The following ZBTB7C variants were observed in gnomAD, a reference collection of about 807,000 sequenced individuals.
The protein encoded by ZBTB7C is zinc finger and BTB domain-containing protein 7C.
A neutral mutation model predicts 25.7 loss-of-function variants in ZBTB7C; 8 were observed. The ratio of observed to expected loss-of-function variants is 0.31; its 90% CI spans 0.18 to 0.56. ZBTB7C has a LOEUF of 0.56. Among genes scored for constraint, ZBTB7C ranks in the 20% least tolerant of loss-of-function variants. The pLI is 0.91. For missense variants in ZBTB7C, 824 were observed against 855.2 expected (o/e 0.96, Z 0.46); for synonymous variants, 394 against 369.0 (o/e 1.07, Z -0.78).
chr18:48,400,460 G>A (rs1433325619), intron 1 of ZBTB7C, among the ~76,000 whole-genome samples: 1 of 152,196 alleles, frequency 6.6e-6, no homozygotes, highest in African/African-American at 2.4e-5. Flanking sequence ...GCCTATCAGT[G>A]GGCCAGGACA....
intron 3 of ZBTB7C, among the ~76,000 whole-genome samples, chr18:48,170,066 G>C (rs1267531246): frequency 1.3e-5 from 2 of 152,118 alleles, no homozygotes; most frequent in Non-Finnish European, 2.9e-5. Flanking sequence ...AGCCACACTG[G>C]AACTGCACTC....
chr18:48,172,412 G>A (rs117735285), intron 3 of ZBTB7C, among the ~76,000 whole-genome samples: 4,722 of 152,252 alleles, frequency 0.031, 77 homozygotes, highest in Middle Eastern at 0.075. Context: ...TTTCTCAGCC[G>A]GAGCTGCAGG....
intron 3 of ZBTB7C, among the ~76,000 whole-genome samples, chr18:48,063,186 C>T (rs750285117): frequency 7.2e-5 from 11 of 152,234 alleles, no homozygotes; most frequent in South Asian, 4.1e-4. Context: ...CTGTCTCAGG[C>T]AAGTTGGGAT....
At chr18:48,131,877 A>G (rs1428519649) in intron 3 of ZBTB7C, among the ~76,000 whole-genome samples, 2 of 152,210 alleles carry the variant, frequency 1.3e-5, no homozygotes, top group African/African-American at 4.8e-5. Context: ...TAAAAAGGCC[A>G]TATTATCAAC....
chr18:48,202,684 C>A (rs1408919101), intron 2 of ZBTB7C, among the ~76,000 whole-genome samples: 1 of 152,028 alleles, frequency 6.6e-6, no homozygotes, highest in Non-Finnish European at 1.5e-5. Context: ...TCCCCCACCC[C>A]ACCCCCGCCG....
At chr18:48,072,872 C>T (rs1274180968) in intron 3 of ZBTB7C, among the ~76,000 whole-genome samples, 1 of 152,216 alleles carries the variant, frequency 6.6e-6, no homozygotes. Flanking sequence ...CCCTGGCCAG[C>T]CCCTTGCTGG....
At chr18:48,347,810 G>T (rs2046775872) in intron 1 of ZBTB7C, among the ~76,000 whole-genome samples, 1 of 152,210 alleles carries the variant, frequency 6.6e-6, no homozygotes, top group African/African-American at 2.4e-5. Context: ...TAATACCTAT[G>T]AAAAGGCCAG....
intron 2 of ZBTB7C, among the ~76,000 whole-genome samples, chr18:48,222,640 C>G (rs1458807430): frequency 6.6e-6 from 1 of 152,192 alleles, no homozygotes; most frequent in African/African-American, 2.4e-5. Flanking sequence ...CCCATCACAT[C>G]ATGTTTCTGG....
chr18:48,069,295 A>G (rs751421573), intron 3 of ZBTB7C, among the ~76,000 whole-genome samples: 12 of 151,876 alleles, frequency 7.9e-5, no homozygotes, highest in Non-Finnish European at 1.6e-4. Context: ...TTGTTGTTTC[A>G]TCTCCTAGGC....
At chr18:48,255,422 A>G (rs1339695615) in intron 2 of ZBTB7C, among the ~76,000 whole-genome samples, 3 of 152,232 alleles carry the variant, frequency 2.0e-5, no homozygotes, top group South Asian at 4.1e-4. Flanking sequence ...ATTGGTTTGG[A>G]CTGAGCTCCT....
chr18:48,297,999 G>C (rs1317562118), intron 2 of ZBTB7C, among the ~76,000 whole-genome samples: 1 of 152,124 alleles, frequency 6.6e-6, no homozygotes, highest in African/African-American at 2.4e-5. Flanking sequence ...TGTGAGTTGA[G>C]GCCGGGCGCA....
At position 48,319,857 on chromosome 18, in the gene ZBTB7C, T is replaced by C. The variant is rs111712483; in HGVS notation, c.-79+18317A>G. 9.2e-3 allele frequency among the ~76,000 whole-genome samples: 1,395 copies of C among 152,038 alleles called. 16 individuals carry two copies. The highest frequency in any genetic ancestry group is 0.032 in the African/African-American group (1,326 of 41,470). On this transcript the variant is annotated intron_variant, in intron 2 of 4. Coordinates refer to ENST00000590800, the MANE Select transcript of ZBTB7C (RefSeq NM_001318841.2). The stretch of plus-strand genomic sequence containing the variant: ...TAAAGAGACTGTCACATGCCAAATA[T>C]TGTGGTTAAATACCAATAGTTCAAA...
intron 3 of ZBTB7C, among the ~76,000 whole-genome samples, chr18:48,094,243 C>T (rs891004779): frequency 1.3e-5 from 2 of 151,840 alleles, no homozygotes; most frequent in Non-Finnish European, 2.9e-5. Flanking sequence ...TGGCTGAGTC[C>T]CTCTCATTAT....
At chr18:48,214,841 A>G (rs1168036584) in intron 2 of ZBTB7C, among the ~76,000 whole-genome samples, 1 of 152,228 alleles carries the variant, frequency 6.6e-6, no homozygotes, top group African/African-American at 2.4e-5. Flanking sequence ...TCCATCAGTG[A>G]ACACTGGTTT....
At chr18:48,122,693 G>A (rs2039670284) in intron 3 of ZBTB7C, among the ~76,000 whole-genome samples, 1 of 152,162 alleles carries the variant, frequency 6.6e-6, no homozygotes, top group African/African-American at 2.4e-5. Flanking sequence ...CAGGTGGTGG[G>A]GAGTGGCCTT....
chr18:48,214,870 T>C (rs1185147182), intron 2 of ZBTB7C, among the ~76,000 whole-genome samples: 2 of 152,226 alleles, frequency 1.3e-5, no homozygotes, highest in African/African-American at 4.8e-5. Context: ...CTCTTGGCTA[T>C]TGTGAATAAT....
At chr18:48,404,145 A>G (rs2048224461) in intron 1 of ZBTB7C, among the ~76,000 whole-genome samples, 1 of 152,162 alleles carries the variant, frequency 6.6e-6, no homozygotes. Flanking sequence ...CCAGCTATTC[A>G]GGAAGCTGAG....
chr18:48,301,407 A>G (rs2045540584), intron 2 of ZBTB7C, among the ~76,000 whole-genome samples: 1 of 152,310 alleles, frequency 6.6e-6, no homozygotes, highest in Non-Finnish European at 1.5e-5. Flanking sequence ...TGAACCCAGG[A>G]GGCAGATGTT....
intron 3 of ZBTB7C, among the ~76,000 whole-genome samples, chr18:48,118,063 T>C (rs970829978): frequency 8.0e-5 from 12 of 150,880 alleles, no homozygotes; most frequent in African/African-American, 2.9e-4. Flanking sequence ...TGGAGTGCAG[T>C]GGCGTAATCT....
Sources: gnomAD v4.1 joint callset for allele counts (sites outside exome capture counted in the v4.1 genomes callset) on GRCh38, gnomAD v4.1.1 for gene constraint, MANE v1.5 for transcripts, NCBI Gene and HGNC (gene_info 2026-07-23, HGNC 2026-07-21) for gene names.